Variants in XDH observed in about 807,000 individuals in gnomAD.
XDH encodes xanthine dehydrogenase.
XDH carries 138 observed loss-of-function variants against 156.1 expected under a neutral mutation model. The ratio of observed to expected loss-of-function variants is 0.88; its 90% confidence interval spans 0.77 to 1.02. The LOEUF (loss-of-function observed/expected upper bound fraction) is 1.02, where lower values mean the gene tolerates loss of function less well. XDH is among the 50% of genes least tolerant of loss of function. XDH has a pLI of 0.00. For synonymous variants in XDH, 669 were observed against 625.7 expected, an observed-to-expected ratio of 1.07 and a Z score of -1.03; for missense variants, 1,849 against 1,684.9, an observed-to-expected ratio of 1.10 and a Z score of -1.71.
At chr2:31,340,213 T>C (rs1022195646) in intron 33 of XDH, among the ~76,000 whole-genome samples, 1 of 152,192 alleles carries the variant, frequency 6.6e-6, no homozygotes, top group Admixed American at 6.5e-5. Context: ...GGCACTACCA[T>C]ACCTCAACGA....
chr2:31,407,256 C>T (rs996163537), intron 1 of XDH, among the ~76,000 whole-genome samples: 2 of 152,066 alleles, frequency 1.3e-5, no homozygotes, highest in Non-Finnish European at 2.9e-5. Flanking sequence ...GAAATTAATA[C>T]CGACAATGAC....
chr2:31,369,632 C>A (rs1453958967), intron 18 of XDH, among the ~76,000 whole-genome samples: 1 of 152,210 alleles, frequency 6.6e-6, no homozygotes, highest in East Asian at 1.9e-4. Context: ...GGCTGACTTT[C>A]ACTAGCCATA....
At chr2:31,344,031 G>A (rs1030966348) in intron 31 of XDH, among the ~76,000 whole-genome samples, 11 of 151,942 alleles carry the variant, frequency 7.2e-5, no homozygotes, top group Admixed American at 1.3e-4. Context: ...TCCCAGAGAC[G>A]GCTAAAATAT....
chr2:31,401,786 G>T (rs944326161), intron 3 of XDH, among the ~76,000 whole-genome samples: 2 of 152,202 alleles, frequency 1.3e-5, no homozygotes. Context: ...GTGGGGAAAG[G>T]GGGAGGAAAC....
At chr2:31,341,526 G>T in intron 32 of XDH, 132 bp from the exon 33 acceptor site, 1 of 934,360 alleles carries the variant, frequency 1.1e-6, no homozygotes, top group Non-Finnish European at 1.7e-6. Context: ...AGCCCTGGGT[G>T]TGCTCAGGCA....
intron 1 of XDH, among the ~76,000 whole-genome samples, chr2:31,414,181 A>T (rs1687415871): frequency 6.6e-6 from 1 of 152,178 alleles, no homozygotes; most frequent in Non-Finnish European, 1.5e-5. Flanking sequence ...CGTACATCTT[A>T]TATCCTGATA....
At chr2:31,346,135 G>A (rs747338385) in intron 30 of XDH, among the ~76,000 whole-genome samples, 90 of 152,338 alleles carry the variant, frequency 5.9e-4, no homozygotes, top group Non-Finnish European at 1.1e-3. Flanking sequence ...AGGATGCAGA[G>A]CTGCCATTAA....
In XDH at chr2:31,392,090, A is replaced by G. The variant is rs79029416; in HGVS notation, c.496-3795T>C. 3.4e-3 allele frequency among the ~76,000 whole-genome samples: 519 copies of G among 152,324 alleles called. 4 individuals carry two copies. Among genetic ancestry groups the G allele is most frequent in the African/African-American group, 0.012 (503 of 41,574 alleles). ...CATCTAGGTTATCAAGTATATGAGCATAGAGTTGTTCTTAATATTCCTTCA... is the reference window on the plus strand; with the variant it reads ...CATCTAGGTTATCAAGTATATGAGCGTAGAGTTGTTCTTAATATTCCTTCA... On this transcript the variant is annotated intron_variant, in intron 6 of 35. Transcript: ENST00000379416.
In XDH at chr2:31,397,702, C is replaced by G; in HGVS notation, c.461G>C (p.Arg154Thr). 6.2e-7 allele frequency: 1 copy of G among 1,614,226 alleles called. No individual in the cohort carries two copies. Among genetic ancestry groups the G allele is most frequent in the Non-Finnish European group, 8.5e-7 (1 of 1,180,038 alleles). Residue 154 changes from arginine to threonine, a missense_variant, in exon 6 of 36, where the codon AGA becomes ACA. Physicochemically the swap from Arg to Thr is moderately conservative, Grantham distance 71. Coordinates refer to ENST00000379416, the MANE Select transcript of XDH (RefSeq NM_000379.4). ...GGTCCGGAAGCCCTGGAGGATGGGT[C>G]TGTAGCCTGTGCAGCGGCACAGATT... Reference protein sequence around the residue: ...QGNLCRCTGYRPILQGFRTFA... With the variant: ...QGNLCRCTGYTPILQGFRTFA...
At chr2:31,340,541 C>T (rs1252709863) in intron 33 of XDH, among the ~76,000 whole-genome samples, 3 of 152,136 alleles carry the variant, frequency 2.0e-5, no homozygotes, top group African/African-American at 4.8e-5. Flanking sequence ...GGGATCTTGG[C>T]TCCCTGCAAA....
At chr2:31,347,724 G>T in intron 28 of XDH, 74 bp from the exon 29 acceptor site, 1 of 1,563,682 alleles carries the variant, frequency 6.4e-7, no homozygotes, top group African/African-American at 1.4e-5. Flanking sequence ...CCCAAGACAG[G>T]ATTCACATTC....
chr2:31,405,775 A>C lies in XDH; in HGVS notation c.100+132T>G, dbSNP rs542819727. The C allele has an allele frequency of 1.7e-5, 16 of 946,436 alleles. No individual in the cohort carries two copies. In the South Asian group the frequency reaches 2.2e-4, roughly 13 times the overall value. The allele number at this position is 946,436 out of a possible 1,614,324, so 58.6% of individuals were successfully genotyped here. ...GGTGCAACTAAAATGCAAGTGTCCCAAGTCCTAATCCAGTGCTCTTTCCTC... is the reference window on the plus strand; with the variant it reads ...GGTGCAACTAAAATGCAAGTGTCCCCAGTCCTAATCCAGTGCTCTTTCCTC... On this transcript the variant is annotated intron_variant, in intron 2 of 35. Coordinates refer to ENST00000379416, the MANE Select transcript of XDH (RefSeq NM_000379.4).
chr2:31,371,042 A>G (rs1303690313), intron 17 of XDH, among the ~76,000 whole-genome samples: 1 of 152,230 alleles, frequency 6.6e-6, no homozygotes, highest in Non-Finnish European at 1.5e-5. Context: ...GGCCCTGAAC[A>G]GCTTCATAAA....
chr2:31,414,719 G>A lies in XDH; in HGVS notation c.-53C>T, dbSNP rs369989966. On this transcript the variant is annotated 5_prime_UTR_variant, in exon 1 of 36. Coordinates refer to ENST00000379416, the MANE Select transcript of XDH (RefSeq NM_000379.4). ...AGGTACCTCACTCCTAAGAGACACT[G>A]GCAGGTAGTTATCACTGCTCTGTGA... The A allele has an allele frequency of 5.6e-6, 9 of 1,607,890 alleles. No homozygotes were observed. Among genetic ancestry groups the A allele is most frequent in the Non-Finnish European group, 7.7e-6 (9 of 1,174,322 alleles).
At chr2:31,378,853 T>TAAA (rs3216622) in intron 13 of XDH, among the ~76,000 whole-genome samples, 1 of 148,474 alleles carries the variant, frequency 6.7e-6, no homozygotes, top group Non-Finnish European at 1.5e-5. Context: ...CACTCATAAT[T>TAAA]AAAAAAAAAA....
intron 24 of XDH, among the ~76,000 whole-genome samples, chr2:31,361,203 G>GT (rs758198907): frequency 3.3e-5 from 5 of 152,186 alleles, no homozygotes; most frequent in Non-Finnish European, 5.9e-5. Flanking sequence ...TCCACTCATC[G>GT]TAACAGCCCA....
intron 23 of XDH, 149 bp downstream of exon 23, chr2:31,365,308 T>C (rs765142752): frequency 4.4e-5 from 36 of 826,620 alleles, no homozygotes; most frequent in Non-Finnish European, 6.4e-5. Flanking sequence ...GCTGTTAGCC[T>C]ATTTGAATTT....
chr2:31,365,922 C>T, intron 22 of XDH, 54 bp downstream of exon 22: 1 of 1,613,566 alleles, frequency 6.2e-7, no homozygotes, highest in South Asian at 1.1e-5. Flanking sequence ...CTGGCACAGA[C>T]AGCCTTATTC....
intron 2 of XDH, among the ~76,000 whole-genome samples, chr2:31,405,336 G>A (rs1687165301): frequency 6.6e-6 from 1 of 152,080 alleles, no homozygotes; most frequent in South Asian, 2.1e-4. Flanking sequence ...AAAGGTAAAG[G>A]GGCTTTTCCA....
Sources: allele counts gnomAD v4.1 joint callset (sites outside exome capture counted in the v4.1 genomes callset), GRCh38; gene constraint gnomAD v4.1.1; transcripts MANE v1.5; gene names NCBI Gene and HGNC (gene_info 2026-07-23, HGNC 2026-07-21).